CELF2: variants seen among roughly 807,000 people sequenced by gnomAD.
CELF2 encodes CUG triplet repeat RNA-binding protein 2.
In CELF2, 8 loss-of-function variants were observed where a neutral mutation model predicts 62.6. That is an observed-to-expected ratio of 0.13 (90% confidence interval 0.07 to 0.23). The LOEUF (loss-of-function observed/expected upper bound fraction) is 0.23. CELF2 is among the 10% of genes least tolerant of loss of function. The pLI is 1.00. For missense variants in CELF2, 333 were observed against 671.0 expected (o/e 0.50, Z 5.56); for synonymous variants, 258 against 250.0 (o/e 1.03, Z -0.30).
At position 11,157,119 on chromosome 10, in the gene CELF2, G is replaced by A. The variant is rs750700587; in HGVS notation, c.75-8367G>A. 5.3e-5 allele frequency among the ~76,000 whole-genome samples: 8 copies of A among 152,102 alleles called. No individual in the cohort carries two copies. The highest frequency in any genetic ancestry group is 8.8e-5 in the Non-Finnish European group (6 of 68,010). On this transcript the variant is annotated intron_variant, in intron 1 of 12. Transcript: ENST00000633077. This position sits in a 1 kb window ranked among gnomAD's most constrained non-coding sequence, Gnocchi z 4.9. Reference sequence around the variant, plus strand: ...GGCTCCAGGGGGTGGCATTTCAAGAGCAGGTTGGGGGATGAGGCTGTGTCC... The same window carrying A: ...GGCTCCAGGGGGTGGCATTTCAAGAACAGGTTGGGGGATGAGGCTGTGTCC...
rs2096085521 is a variant in CELF2, at chr10:11,334,643, T to C, written c.*5590T>C. The C allele has an allele frequency of 6.6e-6, 1 of 152,232 alleles. No individual in the cohort carries two copies. Among genetic ancestry groups the C allele is most frequent in the South Asian group, 2.1e-4 (1 of 4,836 alleles). 9.4% of individuals were successfully genotyped at this position (152,232 alleles called of 1,614,324 possible). A position where few individuals can be genotyped will look rare whatever the true frequency, so the allele number is the denominator to read the frequency against. On this transcript the variant is annotated 3_prime_UTR_variant, in exon 13 of 13. Transcript: ENST00000633077. ...TTTGGGGTTGGATTTGCCAAGGTGT[T>C]TTACGGTCTTTTGACCACACAGGTT...
chr10:11,331,282 CAAAA>C lies in CELF2; in HGVS notation c.*2240_*2243del, dbSNP rs548586033. 4 of 50,686 alleles carry C rather than the reference CAAAA, an allele frequency of 7.9e-5. No individual in the cohort carries two copies. The highest frequency in any genetic ancestry group is 5.9e-4 in the South Asian group (1 of 1,694). 3.1% of individuals were successfully genotyped at this position (50,686 alleles called of 1,614,324 possible). On this transcript the variant is annotated 3_prime_UTR_variant, in exon 13 of 13. Coordinates refer to ENST00000633077, the MANE Select transcript of CELF2 (RefSeq NM_001326342.2). ...AAGTTTAGAATTGGTTTACTTAATA[CAAAA>C]AAAAAAAAAAGAATTTCAAAAAAAA...
At position 11,329,107 on chromosome 10, in the gene CELF2, A is replaced by G. The variant is rs1440277135; in HGVS notation, c.*54A>G. 5 of 1,542,876 alleles carry G rather than the reference A, an allele frequency of 3.2e-6. No individual in the cohort carries two copies. In the Admixed American group the frequency reaches 5.4e-5, roughly 17 times the overall value. On this transcript the variant is annotated 3_prime_UTR_variant, in exon 13 of 13. Coordinates refer to ENST00000633077, the MANE Select transcript of CELF2 (RefSeq NM_001326342.2). This position sits in a 1 kb window ranked among gnomAD's most constrained non-coding sequence, Gnocchi z 5.5. ...TTTTAGCTTTCTTAGGGTAAGTCCC[A>G]CGAGCCAGCCTGTCTCAACAGGGAA... is the stretch of plus-strand genomic sequence containing the variant.
intron 1 of CELF2, among the ~76,000 whole-genome samples, chr10:11,139,442 G>C (rs1050494693): frequency 6.6e-6 from 1 of 152,144 alleles, no homozygotes; most frequent in African/African-American, 2.4e-5. Context: ...ATTGACTTTC[G>C]AGGAATATTT....
chr10:10,870,743 G>T (rs2060685959), intron 1 of CELF2, among the ~76,000 whole-genome samples: 1 of 152,024 alleles, frequency 6.6e-6, no homozygotes. Flanking sequence ...CCCACCGCCC[G>T]CCCAGCCTTC....
chr10:10,812,804 T>G (rs944817938), intron 1 of CELF2, among the ~76,000 whole-genome samples: 1 of 152,164 alleles, frequency 6.6e-6, no homozygotes, highest in African/African-American at 2.4e-5. Flanking sequence ...ATTAATAGGG[T>G]GTCAATGTCT....
At chr10:11,239,546 C>T (rs916068951) in intron 3 of CELF2, among the ~76,000 whole-genome samples, 3 of 152,228 alleles carry the variant, frequency 2.0e-5, no homozygotes, top group Non-Finnish European at 4.4e-5. Context: ...CTGTAGCGGG[C>T]ACTTACTGTG....
rs374018047 is a variant in CELF2, at chr10:10,957,759, A to C, written c.89+37760A>C. Reference sequence around the variant, plus strand: ...AGAAACTGGTTTGAAAGTCAGGACAAACACGGGCCCTTTAACTCACAAACC... The same window carrying C: ...AGAAACTGGTTTGAAAGTCAGGACACACACGGGCCCTTTAACTCACAAACC... On this transcript the variant is annotated intron_variant, in intron 2 of 13. Coordinates refer to the CELF2 transcript ENST00000636488. This position sits in a 1 kb window ranked among gnomAD's most constrained non-coding sequence, Gnocchi z 4.1. Among the ~76,000 whole-genome samples the C allele has an allele frequency of 4.6e-5, 7 of 152,290 alleles. No homozygotes were observed. The East Asian group carries it at 1.2e-3, about 25-fold the overall frequency.
chr10:10,593,150 C>T, the CELF2 span, among the ~76,000 whole-genome samples: 5 of 152,102 alleles, frequency 3.3e-5, no homozygotes, highest in African/African-American at 9.7e-5. Context: ...AGTGGAGAGA[C>T]ATGATGGTAG....
the CELF2 span, among the ~76,000 whole-genome samples, chr10:10,537,575 G>T: frequency 3.9e-5 from 6 of 152,092 alleles, no homozygotes; most frequent in Non-Finnish European, 7.4e-5. Flanking sequence ...CGACCTGGAG[G>T]CTTGCTTCGA....
At chr10:10,668,733 G>A in the CELF2 span, among the ~76,000 whole-genome samples, 2 of 152,114 alleles carry the variant, frequency 1.3e-5, no homozygotes, top group African/African-American at 4.8e-5. Flanking sequence ...CGAGGTGGGG[G>A]AATCACTTGA....
the CELF2 span, among the ~76,000 whole-genome samples, chr10:10,772,621 C>T: frequency 1.1e-4 from 17 of 152,334 alleles, no homozygotes; most frequent in South Asian, 4.1e-4. Flanking sequence ...ACAGAGGGAA[C>T]GGTGAGAAAG....
intron 2 of CELF2, among the ~76,000 whole-genome samples, chr10:10,929,201 G>A (rs978513247): frequency 1.3e-5 from 2 of 152,158 alleles, no homozygotes; most frequent in Non-Finnish European, 2.9e-5. Context: ...TAACATGGAA[G>A]CTACGAGATC....
At chr10:10,602,174 A>G in the CELF2 span, among the ~76,000 whole-genome samples, 1 of 152,020 alleles carries the variant, frequency 6.6e-6, no homozygotes. Context: ...TGTCTTTGCT[A>G]TTGTGAATAG....
At chr10:10,535,668 G>A in the CELF2 span, among the ~76,000 whole-genome samples, 1 of 152,222 alleles carries the variant, frequency 6.6e-6, no homozygotes, top group East Asian at 1.9e-4. Context: ...GCAGTGAGCC[G>A]AGATAGCGCC....
chr10:11,326,965 C>G (rs757394728), intron 12 of CELF2, among the ~76,000 whole-genome samples: 4 of 152,066 alleles, frequency 2.6e-5, no homozygotes, highest in Non-Finnish European at 4.4e-5. Flanking sequence ...GTAATCAGGC[C>G]AAAGAGAATG....
In CELF2 at chr10:11,157,281, C is replaced by T. The variant is rs139656593; in HGVS notation, c.75-8205C>T. On this transcript the variant is annotated intron_variant, in intron 1 of 12. Coordinates refer to ENST00000633077, the MANE Select transcript of CELF2 (RefSeq NM_001326342.2). This position sits in a 1 kb window ranked among gnomAD's most constrained non-coding sequence, Gnocchi z 4.9. The stretch of plus-strand genomic sequence containing the variant: ...GTTTCCCACCTTCCCAGCTCCCTTC[C>T]TTGTTAGAGCCGCCTTTTTCTCCCC... Among the ~76,000 whole-genome samples the T allele has an allele frequency of 9.6e-3, 1,460 of 152,266 alleles. 9 individuals carry two copies. Among genetic ancestry groups the T allele is most frequent in the Non-Finnish European group, 0.015 (1,028 of 68,014 alleles).
the CELF2 span, among the ~76,000 whole-genome samples, chr10:10,606,251 G>C: frequency 2.0e-5 from 3 of 152,166 alleles, no homozygotes; most frequent in Non-Finnish European, 4.4e-5. Flanking sequence ...TCAAAAAAAC[G>C]TGATTGAGGA....
intron 3 of CELF2, among the ~76,000 whole-genome samples, chr10:11,222,372 A>G (rs2065117213): frequency 6.6e-6 from 1 of 152,204 alleles, no homozygotes; most frequent in African/African-American, 2.4e-5. Flanking sequence ...TCACTGTGTC[A>G]GAGAAATTTC....
Sources: gnomAD v4.1 joint callset for allele counts (sites outside exome capture counted in the v4.1 genomes callset) on GRCh38, gnomAD v4.1.1 for gene constraint, Gnocchi (gnomAD v3.1) non-coding constraint, MANE v1.5 for transcripts, NCBI Gene and HGNC (gene_info 2026-07-23, HGNC 2026-07-21) for gene names.